DHCR24: variants seen among roughly 807,000 people sequenced by gnomAD.
The protein encoded by DHCR24 is 24-dehydrocholesterol reductase.
Under a neutral mutation model 61.2 loss-of-function variants are expected in DHCR24, and 28 were observed. The ratio of observed to expected loss-of-function variants is 0.46; its 90% CI spans 0.34 to 0.63. The LOEUF (loss-of-function observed/expected upper bound fraction) is 0.63, where lower values mean the gene tolerates loss of function less well. Ranked by LOEUF, DHCR24 falls within the 20% of genes least tolerant of loss-of-function variation. DHCR24 has a pLI of 0.01. For synonymous variants in DHCR24, 261 were observed against 275.9 expected (o/e 0.95, Z 0.54); for missense variants, 538 against 679.1 (o/e 0.79, Z 2.31).
chr1:54,885,822 T>C (rs1220851193), intron 1 of DHCR24, among the ~76,000 whole-genome samples: 1 of 151,982 alleles, frequency 6.6e-6, no homozygotes, highest in East Asian at 1.9e-4. Flanking sequence ...AATGGAGAAT[T>C]TGAACTCGAG....
At chr1:54,852,466 T>C in intron 8 of DHCR24, 80 bp from the exon 9 acceptor site, 1 of 1,521,756 alleles carries the variant, frequency 6.6e-7, no homozygotes, top group Non-Finnish European at 9.1e-7. Flanking sequence ...CTGCTCATTC[T>C]GCAGCCCAGA....
At chr1:54,876,322 A>T (rs1647028148) in intron 2 of DHCR24, among the ~76,000 whole-genome samples, 1 of 152,176 alleles carries the variant, frequency 6.6e-6, no homozygotes, top group Non-Finnish European at 1.5e-5. Context: ...ATACTCATTC[A>T]CTTAGAAGAT....
Position 54,865,326 on chromosome 1 carries a change from G to A in DHCR24, c.997C>T (p.Arg333Cys), listed in dbSNP as rs1254711590. 2 of 1,613,834 alleles carry A rather than the reference G, an allele frequency of 1.2e-6. No homozygotes were observed. The highest frequency in any genetic ancestry group is 2.2e-5 in the East Asian group (1 of 44,876). Residue 333 changes from arginine (R) to cysteine (C), a missense_variant, in exon 6 of 9, where the codon CGC becomes TGC. Physicochemically the swap from Arg to Cys is radical, Grantham distance 180. Transcript: ENST00000371269. ...ACCTGGAGCTCCCAGAAGATGCTGC[G>A]CGTGTGGCGGTGGTAGTAGTGTCTC... Reference protein sequence around the residue: ...PLRHYYHRHTRSIFWELQDII... With the variant: ...PLRHYYHRHTCSIFWELQDII...
chr1:54,866,012 C>T (rs1557433976), intron 5 of DHCR24, among the ~76,000 whole-genome samples: 1 of 152,174 alleles, frequency 6.6e-6, no homozygotes, highest in Non-Finnish European at 1.5e-5. Context: ...CTCCCTGGCC[C>T]TGGGGGCTCC....
rs1647072695 is a variant in DHCR24, at chr1:54,883,021, G to A, written c.387+597C>T. ...AGAGAGATTAAGTAACTTGGCCAAG[G>A]TCTCACAATAATAACAAAATGCCAT... On this transcript the variant is annotated intron_variant, in intron 2 of 8. Transcript: ENST00000371269. This position sits in a 1 kb window ranked among gnomAD's most constrained non-coding sequence, Gnocchi z 4.3. Among the ~76,000 whole-genome samples, 1 of 151,890 alleles carries A rather than the reference G, an allele frequency of 6.6e-6. No homozygotes were observed. Among genetic ancestry groups the A allele is most frequent in the Non-Finnish European group, 1.5e-5 (1 of 67,980 alleles).
chr1:54,877,321 C>T (rs1001632420), intron 2 of DHCR24, among the ~76,000 whole-genome samples: 1 of 151,756 alleles, frequency 6.6e-6, no homozygotes, highest in Non-Finnish European at 1.5e-5. Context: ...CTTATCATTA[C>T]ACATTCTTGG....
chr1:54,865,573 G>A, intron 5 of DHCR24, 127 bp from the exon 6 acceptor site: 1 of 1,270,086 alleles, frequency 7.9e-7, no homozygotes, highest in South Asian at 1.2e-5. Flanking sequence ...GTCTATTACT[G>A]CCTTTGAGAC....
intron 6 of DHCR24, 39 bp downstream of exon 6, chr1:54,865,264 G>A (rs1163822152): frequency 1.2e-6 from 2 of 1,600,966 alleles, no homozygotes; most frequent in Non-Finnish European, 1.7e-6. Flanking sequence ...CTGCCCAGCT[G>A]GCCTGGAGGA....
intron 5 of DHCR24, 68 bp downstream of exon 5, chr1:54,871,282 A>G: frequency 1.3e-6 from 2 of 1,599,352 alleles, no homozygotes; most frequent in Non-Finnish European, 1.7e-6. Context: ...GGATACGGGA[A>G]CCGGCTCAGT....
chr1:54,863,074 C>CAAA (rs5774200), intron 6 of DHCR24, among the ~76,000 whole-genome samples: 2 of 61,406 alleles, frequency 3.3e-5, no homozygotes, highest in Non-Finnish European at 7.0e-5. Flanking sequence ...GACTCTGCCT[C>CAAA]AAAAAAAAAA....
chr1:54,852,441 G>A (rs996205798), intron 8 of DHCR24, 55 bp from the exon 9 acceptor site: 19 of 1,602,532 alleles, frequency 1.2e-5, no homozygotes, highest in South Asian at 7.7e-5. Context: ...AACGCGAGGC[G>A]TGAGAGAAAC....
At chr1:54,868,342 C>T (rs537276961) in intron 5 of DHCR24, among the ~76,000 whole-genome samples, 5 of 150,978 alleles carry the variant, frequency 3.3e-5, no homozygotes, top group East Asian at 4.2e-4. Flanking sequence ...TGGTGGTGGG[C>T]GCCTGTAGTC....
chr1:54,869,293 A>G (rs1646984044), intron 5 of DHCR24, among the ~76,000 whole-genome samples: 1 of 152,218 alleles, frequency 6.6e-6, no homozygotes, highest in Non-Finnish European at 1.5e-5. Context: ...CTCACAGACC[A>G]TTACTACAAG....
intron 8 of DHCR24, 28 bp downstream of exon 8, chr1:54,853,406 G>A (rs762487096): frequency 5.0e-6 from 8 of 1,613,740 alleles, no homozygotes; most frequent in Non-Finnish European, 6.8e-6. Flanking sequence ...TCAGCTAGAG[G>A]CAACATACTA....
At position 54,861,497 on chromosome 1, in the gene DHCR24, C is replaced by T. The variant is rs566336152; in HGVS notation, c.1020+3806G>A. ...GCCCTCTAGTCCCCTGACTTCAATG[C>T]TCCACTCCACCCAGGGCATCCTGTC... is the stretch of plus-strand genomic sequence containing the variant. On this transcript the variant is annotated intron_variant, in intron 6 of 8. Transcript: ENST00000371269. 5.1e-4 allele frequency among the ~76,000 whole-genome samples: 77 copies of T among 152,288 alleles called. 1 individual carries two copies. Among genetic ancestry groups the T allele is most frequent in the Admixed American group, 2.4e-3 (36 of 15,306 alleles).
At chr1:54,869,153 G>A (rs1450346801) in intron 5 of DHCR24, among the ~76,000 whole-genome samples, 3 of 152,192 alleles carry the variant, frequency 2.0e-5, no homozygotes, top group Admixed American at 6.5e-5. Context: ...GCTGCAAAGA[G>A]AGGCTCACCC....
At chr1:54,878,451 T>C (rs1357810732) in intron 2 of DHCR24, among the ~76,000 whole-genome samples, 1 of 132,872 alleles carries the variant, frequency 7.5e-6, no homozygotes, top group Non-Finnish European at 1.5e-5. Context: ...GAGGCGGAGG[T>C]TGCAGTGACC....
At chr1:54,861,471 C>T (rs78647471) in intron 6 of DHCR24, among the ~76,000 whole-genome samples, 2 of 152,198 alleles carry the variant, frequency 1.3e-5, no homozygotes, top group South Asian at 2.1e-4. Context: ...TCCTAGCTTA[C>T]GCCCTCTAGT....
In DHCR24 at chr1:54,883,654, G is replaced by A. The variant is rs1274544856; in HGVS notation, c.351C>T (p.Asn117=). ...TGTCCACTTCCAGAATGTCCATCAG[G>A]TTGATCATGATGTTTTTGTGTGTCT... ...YKKTHKNIMI[N]LMDILEVDTK... is the part of the protein sequence containing the mutation. The change falls in exon 2 of 9, where the codon AAC becomes AAT. Residue 117 remains asparagine, a synonymous_variant. Coordinates refer to ENST00000371269, the MANE Select transcript of DHCR24 (RefSeq NM_014762.4). This position sits in a 1 kb window ranked among gnomAD's most constrained non-coding sequence, Gnocchi z 4.3. 1.2e-6 allele frequency: 2 copies of A among 1,614,110 alleles called. No individual in the cohort carries two copies. The highest frequency in any genetic ancestry group is 2.7e-5 in the African/African-American group (2 of 74,936).
Sources: gnomAD v4.1 joint callset for allele counts (sites outside exome capture counted in the v4.1 genomes callset) on GRCh38, gnomAD v4.1.1 for gene constraint, Gnocchi (gnomAD v3.1) non-coding constraint, MANE v1.5 for transcripts, NCBI Gene and HGNC (gene_info 2026-07-23, HGNC 2026-07-21) for gene names.